SLC39A12: variants seen among roughly 807,000 people sequenced by gnomAD.
The protein encoded by SLC39A12 is zinc transporter ZIP12.
Under a neutral mutation model 71.1 loss-of-function variants are expected in SLC39A12, and 63 were observed. The ratio of observed to expected loss-of-function variants is 0.89; its 90% CI spans 0.72 to 1.09. SLC39A12 has a LOEUF of 1.09. Ranked by LOEUF, SLC39A12 falls within the 50% of genes least tolerant of loss-of-function variation. The pLI is 0.00. For synonymous variants in SLC39A12, 351 were observed against 301.3 expected (o/e 1.16, Z -1.71); for missense variants, 892 against 812.6 (o/e 1.10, Z -1.19).
At chr10:17,997,999 A>G (rs923285487) in intron 10 of SLC39A12, among the ~76,000 whole-genome samples, 5 of 152,156 alleles carry the variant, frequency 3.3e-5, no homozygotes, top group African/African-American at 1.2e-4. Flanking sequence ...ATCTTCCACT[A>G]AATAATTTTT....
At chr10:17,960,483 A>G (rs1326822770) in intron 2 of SLC39A12, among the ~76,000 whole-genome samples, 1 of 152,226 alleles carries the variant, frequency 6.6e-6, no homozygotes, top group Non-Finnish European at 1.5e-5. Context: ...TAAATAGGAT[A>G]GAAGAGGGGC....
At chr10:18,015,465 A>G (rs906402292) in intron 12 of SLC39A12, among the ~76,000 whole-genome samples, 4 of 152,022 alleles carry the variant, frequency 2.6e-5, no homozygotes, top group East Asian at 1.9e-4. Context: ...CATAATAGTG[A>G]TCACATTTGG....
At chr10:17,958,038 C>T (rs1834592945) in intron 2 of SLC39A12, among the ~76,000 whole-genome samples, 1 of 152,158 alleles carries the variant, frequency 6.6e-6, no homozygotes, top group South Asian at 2.1e-4. Flanking sequence ...AAGCCAGAAA[C>T]CAATTGTACC....
chr10:18,021,732 G>C (rs144749874), intron 12 of SLC39A12, among the ~76,000 whole-genome samples: 1 of 152,090 alleles, frequency 6.6e-6, no homozygotes, highest in African/African-American at 2.4e-5. Context: ...CTATGTACTT[G>C]AGTGTGTTTT....
chr10:17,965,370 A>G (rs1284841519), intron 3 of SLC39A12, 113 bp from the exon 4 acceptor site: 4 of 859,478 alleles, frequency 4.7e-6, no homozygotes, highest in Non-Finnish European at 7.1e-6. Context: ...AAATGATTCA[A>G]TTTTCTTTTA....
At chr10:18,007,253 C>T (rs1268221351) in intron 12 of SLC39A12, 1 of 152,236 alleles carries the variant, frequency 6.6e-6, no homozygotes, top group Non-Finnish European at 1.5e-5. Flanking sequence ...GGAGGGGCAA[C>T]TTAGGTCTTC....
At chr10:17,999,569 A>C (rs1218315635) in intron 10 of SLC39A12, among the ~76,000 whole-genome samples, 1 of 151,696 alleles carries the variant, frequency 6.6e-6, no homozygotes, top group Admixed American at 6.6e-5. Context: ...CTTTCAGAAC[A>C]GAAGTTCTGT....
At chr10:18,007,942 A>C (rs950268498) in intron 12 of SLC39A12, among the ~76,000 whole-genome samples, 7 of 152,142 alleles carry the variant, frequency 4.6e-5, no homozygotes, top group Admixed American at 3.3e-4. Context: ...CCTCAGCCTC[A>C]TTTTACCCAG....
chr10:17,958,684 T>G (rs1242225400), intron 2 of SLC39A12, among the ~76,000 whole-genome samples: 1 of 152,316 alleles, frequency 6.6e-6, no homozygotes. Context: ...TTAGTCTTGG[T>G]TTTCACACAT....
intron 12 of SLC39A12, among the ~76,000 whole-genome samples, chr10:18,027,055 C>A (rs1289219803): frequency 6.6e-6 from 1 of 152,016 alleles, no homozygotes; most frequent in African/African-American, 2.4e-5. Flanking sequence ...CCATCTTTTG[C>A]CTTTTAATAT....
chr10:18,025,536 A>G (rs1836653567), intron 12 of SLC39A12, among the ~76,000 whole-genome samples: 1 of 152,182 alleles, frequency 6.6e-6, no homozygotes, highest in African/African-American at 2.4e-5. Flanking sequence ...TTCCAGCTTC[A>G]TCCATGTCCC....
At position 18,043,004 on chromosome 10, in the gene SLC39A12, A is replaced by T. The variant is rs1318713139; in HGVS notation, c.*171A>T. The T allele has an allele frequency of 1.1e-5, 5 of 453,760 alleles. No homozygotes were observed. The allele number at this position is 453,760 out of a possible 1,614,324, so 28.1% of individuals were successfully genotyped here. A position where few individuals can be genotyped will look rare whatever the true frequency, so the allele number is the denominator to read the frequency against. ...AATGCAGTTTTATTTTTGGAAACAT[A>T]TAAATATCAGACTGTCCTTAATTGA... On this transcript the variant is annotated 3_prime_UTR_variant, in exon 13 of 13. Coordinates refer to ENST00000377369, the MANE Select transcript of SLC39A12 (RefSeq NM_001145195.2).
intron 4 of SLC39A12, among the ~76,000 whole-genome samples, chr10:17,967,898 AATATAT>A (rs565522405): frequency 2.5e-5 from 3 of 119,746 alleles, no homozygotes; most frequent in African/African-American, 6.1e-5. Context: ...AAAAAAAAAA[AATATAT>A]ATATATATAT....
chr10:17,975,024 C>A (rs1192406475), intron 4 of SLC39A12, among the ~76,000 whole-genome samples: 1 of 152,188 alleles, frequency 6.6e-6, no homozygotes, highest in Non-Finnish European at 1.5e-5. Context: ...GGCAGAGGAG[C>A]CTTACTCTGT....
At chr10:17,993,952 T>C (rs917302451) in intron 9 of SLC39A12, among the ~76,000 whole-genome samples, 12 of 152,180 alleles carry the variant, frequency 7.9e-5, no homozygotes, top group African/African-American at 2.9e-4. Context: ...GAGTTTACGG[T>C]GTAAGGACAG....
In SLC39A12 at chr10:17,987,613, A is replaced by T; in HGVS notation, c.1231A>T (p.Thr411Ser). The T allele has an allele frequency of 6.2e-7, 1 of 1,614,084 alleles. No individual in the cohort carries two copies. The highest frequency in any genetic ancestry group is 8.5e-7 in the Non-Finnish European group (1 of 1,180,010). The change falls in exon 7 of 13, where the codon ACA (threonine) becomes TCA (serine). Residue 411 changes from threonine (T) to serine (S), a missense_variant. Thr to Ser is a moderately conservative substitution (Grantham distance 58). Transcript: ENST00000377369. Reference sequence around the variant, plus strand: ...GCTGTTTGTGGGCTTGGCCGTCGGGACACTGTCTGGGGACGCTCTGCTCCA... The same window carrying T: ...GCTGTTTGTGGGCTTGGCCGTCGGGTCACTGTCTGGGGACGCTCTGCTCCA... ...LQLFVGLAVG[T>S]LSGDALLHLI... is the part of the protein sequence containing the mutation.
intron 9 of SLC39A12, among the ~76,000 whole-genome samples, chr10:17,994,636 C>T (rs1037502281): frequency 6.6e-6 from 1 of 151,996 alleles, no homozygotes; most frequent in African/African-American, 2.4e-5. Context: ...TTTTTTGTTT[C>T]TATATCCTCC....
intron 12 of SLC39A12, among the ~76,000 whole-genome samples, chr10:18,036,054 TG>T (rs530628751): frequency 6.9e-4 from 105 of 152,366 alleles, no homozygotes; most frequent in Non-Finnish European, 1.1e-3. Flanking sequence ...TCTTCAAAGC[TG>T]TCAGGCAGGG....
At chr10:18,026,458 T>C (rs12358690) in intron 12 of SLC39A12, among the ~76,000 whole-genome samples, 14,872 of 152,118 alleles carry the variant, frequency 0.098, 1,126 homozygotes, top group East Asian at 0.21. Context: ...ATTTTTTTCA[T>C]CTGGTTTCTT....
Sources: allele counts gnomAD v4.1 joint callset (sites outside exome capture counted in the v4.1 genomes callset), GRCh38; gene constraint gnomAD v4.1.1; transcripts MANE v1.5; gene names NCBI Gene and HGNC (gene_info 2026-07-23, HGNC 2026-07-21).